The following USH2A variants were observed in gnomAD, a reference collection of about 807,000 sequenced individuals.
The protein encoded by USH2A is usherin.
In USH2A, 443 loss-of-function variants were observed where a neutral mutation model predicts 538.9. The observed-to-expected ratio is 0.82, with a 90% CI of 0.76 to 0.89. The LOEUF is 0.89. Among genes scored for constraint, USH2A ranks in the 40% least tolerant of loss-of-function variants. The pLI is 0.00. For synonymous variants in USH2A, 2,413 were observed against 2,273.5 expected (o/e 1.06, Z -1.75); for missense variants, 6,633 against 6,324.8 (o/e 1.05, Z -1.65).
At chr1:216,338,759 G>A (rs572948023) in intron 4 of USH2A, among the ~76,000 whole-genome samples, 9 of 151,388 alleles carry the variant, frequency 5.9e-5, no homozygotes, top group South Asian at 2.1e-4. Context: ...TCACAGAGGC[G>A]AAAACTCAAA....
chr1:216,049,173 T>A (rs1005780645), intron 30 of USH2A, among the ~76,000 whole-genome samples: 1 of 152,254 alleles, frequency 6.6e-6, no homozygotes, highest in Non-Finnish European at 1.5e-5. Context: ...CATTTGTTTA[T>A]GTTGTAGCTA....
intron 9 of USH2A, among the ~76,000 whole-genome samples, chr1:216,305,786 T>C (rs1571683852): frequency 6.6e-6 from 1 of 152,290 alleles, no homozygotes; most frequent in East Asian, 1.9e-4. Context: ...TTTCACTGGA[T>C]ACAAAATTCC....
intron 9 of USH2A, among the ~76,000 whole-genome samples, chr1:216,321,617 C>T (rs1042702804): frequency 6.6e-6 from 1 of 151,818 alleles, no homozygotes; most frequent in African/African-American, 2.4e-5. Flanking sequence ...GCTGATGAAA[C>T]AAAGAAAGAA....
intron 30 of USH2A, among the ~76,000 whole-genome samples, chr1:216,057,101 G>A (rs1159405688): frequency 6.6e-6 from 1 of 151,942 alleles, no homozygotes; most frequent in Non-Finnish European, 1.5e-5. Context: ...AAATCCTTTG[G>A]TGTCAATTCT....
intron 4 of USH2A, among the ~76,000 whole-genome samples, chr1:216,342,487 G>T (rs947242424): frequency 2.0e-5 from 3 of 152,072 alleles, no homozygotes; most frequent in Non-Finnish European, 4.4e-5. Context: ...CCATTAATGG[G>T]CATATACCCA....
chr1:216,362,889 A>G (rs995477859), intron 4 of USH2A, among the ~76,000 whole-genome samples: 2 of 151,606 alleles, frequency 1.3e-5, no homozygotes, highest in African/African-American at 4.8e-5. Flanking sequence ...CAGAGAGCCG[A>G]GATTGCACCA....
intron 11 of USH2A, among the ~76,000 whole-genome samples, chr1:216,280,201 T>C (rs1459044106): frequency 6.6e-6 from 1 of 151,640 alleles, no homozygotes; most frequent in African/African-American, 2.4e-5. Context: ...AATTCATGCA[T>C]TAAGTTCAAG....
At position 215,962,966 on chromosome 1, in the gene USH2A, C is replaced by T. The variant is rs138708850; in HGVS notation, c.7120+2351G>A. Among the ~76,000 whole-genome samples the T allele has an allele frequency of 9.2e-5, 14 of 152,078 alleles. No individual in the cohort carries two copies. The East Asian group carries it at 2.3e-3, about 25-fold the overall frequency. ...CATGAGGGTGTCTTACAGACACAGC[C>T]CAATTTCTCCTGCAAAATAGTGACC... On this transcript the variant is annotated intron_variant, in intron 37 of 71. Coordinates refer to ENST00000307340, the MANE Select transcript of USH2A (RefSeq NM_206933.4).
At chr1:215,843,920 A>G (rs1571740570) in intron 46 of USH2A, among the ~76,000 whole-genome samples, 1 of 152,182 alleles carries the variant, frequency 6.6e-6, no homozygotes, top group Admixed American at 6.6e-5. Flanking sequence ...AATAGGAGAA[A>G]TGGGAAGAGA....
intron 14 of USH2A, among the ~76,000 whole-genome samples, chr1:216,224,748 A>C (rs1027719288): frequency 1.3e-5 from 2 of 152,136 alleles, no homozygotes; most frequent in Non-Finnish European, 2.9e-5. Flanking sequence ...TGCTATATCC[A>C]ACAAATAGAG....
intron 50 of USH2A, among the ~76,000 whole-genome samples, chr1:215,795,311 C>A (rs894394240): frequency 6.6e-6 from 1 of 152,152 alleles, no homozygotes; most frequent in Non-Finnish European, 1.5e-5. Context: ...AATGGAACAA[C>A]CCCCTTCATT....
rs1183957540 is a variant in USH2A, at chr1:215,786,860, G to A, written c.10197C>T (p.Cys3399=). 1 of 1,613,840 alleles carries A rather than the reference G, an allele frequency of 6.2e-7. No individual in the cohort carries two copies. Among genetic ancestry groups the A allele is most frequent in the Admixed American group, 1.7e-5 (1 of 59,968 alleles). Residue 3399 remains cysteine, a synonymous_variant, in exon 52 of 72, where the codon TGC becomes TGT. Transcript: ENST00000307340. ...TGMMMKETKE[C]RILCPASMEA... ...CCATAGATGCTGGGCAGAGGATCCT[G>A]CACTCTTTGGTTTCCTGAGTCAAGT...
chr1:216,060,602 A>C (rs1439359216), intron 30 of USH2A, among the ~76,000 whole-genome samples: 1 of 152,216 alleles, frequency 6.6e-6, no homozygotes, highest in East Asian at 1.9e-4. Context: ...ATTATTTATC[A>C]TTTTACCTGA....
intron 21 of USH2A, among the ~76,000 whole-genome samples, chr1:216,128,075 C>T (rs1040525832): frequency 2.6e-5 from 4 of 152,232 alleles, no homozygotes; most frequent in African/African-American, 9.6e-5. Flanking sequence ...GAATCTGATG[C>T]ACTGACTTTT....
chr1:216,227,619 G>A (rs2035587002), intron 14 of USH2A, among the ~76,000 whole-genome samples: 1 of 152,142 alleles, frequency 6.6e-6, no homozygotes, highest in South Asian at 2.1e-4. Flanking sequence ...AAAATACACA[G>A]GATTTTCTTC....
At chr1:216,385,999 A>G (rs1274907354) in intron 3 of USH2A, among the ~76,000 whole-genome samples, 1 of 152,180 alleles carries the variant, frequency 6.6e-6, no homozygotes, top group Non-Finnish European at 1.5e-5. Context: ...CCTATTTATT[A>G]TTCCATAAAT....
Position 215,813,802 on chromosome 1 carries a change from C to G in USH2A, c.9673G>C (p.Gly3225Arg). The G allele has an allele frequency of 6.2e-7, 1 of 1,613,884 alleles. No homozygotes were observed. The highest frequency in any genetic ancestry group is 8.5e-7 in the Non-Finnish European group (1 of 1,179,874). The change falls in exon 49 of 72, where the codon GGC (glycine) becomes CGC (arginine). Residue 3225 changes from glycine (G) to arginine (R), a missense_variant. By Grantham distance (125) the Gly-to-Arg change is moderately radical. Coordinates refer to ENST00000307340, the MANE Select transcript of USH2A (RefSeq NM_206933.4). Reference sequence around the variant, plus strand: ...TTTGGTTGTGCCTCCTGTATTCGGCCACCACAACAAACTCCAGTAGAATTC... The same window carrying G: ...TTTGGTTGTGCCTCCTGTATTCGGCGACCACAACAAACTCCAGTAGAATTC... ...VLNSTGVCCG[G>R]RIQEAQPNHQ...
At chr1:216,197,043 C>T (rs963800765) in intron 18 of USH2A, among the ~76,000 whole-genome samples, 4 of 151,992 alleles carry the variant, frequency 2.6e-5, no homozygotes, top group African/African-American at 9.7e-5. Context: ...ATCTAAAAAA[C>T]GTCACAAAAA....
At chr1:215,809,059 A>G (rs1662582100) in intron 49 of USH2A, among the ~76,000 whole-genome samples, 2 of 152,158 alleles carry the variant, frequency 1.3e-5, no homozygotes, top group Admixed American at 1.3e-4. Context: ...AAAAGTTTCC[A>G]TGATGATGCT....
Sources: gnomAD v4.1 joint callset for allele counts (sites outside exome capture counted in the v4.1 genomes callset) on GRCh38, gnomAD v4.1.1 for gene constraint, MANE v1.5 for transcripts, NCBI Gene and HGNC (gene_info 2026-07-23, HGNC 2026-07-21) for gene names.